CCDC91: variants seen among roughly 807,000 people sequenced by gnomAD.
CCDC91 encodes coiled-coil domain-containing protein 91.
CCDC91 carries 48 observed loss-of-function variants against 63.2 expected under a neutral mutation model. The ratio of observed to expected loss-of-function variants is 0.76; its 90% CI spans 0.60 to 0.97. The LOEUF is 0.97. CCDC91 is among the 50% of genes least tolerant of loss of function. The pLI is 0.00. For missense variants in CCDC91, 500 were observed against 494.6 expected, an observed-to-expected ratio of 1.01 and a Z score of -0.10; for synonymous variants, 167 against 165.8, an observed-to-expected ratio of 1.01 and a Z score of -0.06.
intron 12 of CCDC91, among the ~76,000 whole-genome samples, chr12:28,538,898 A>C (rs1245444932): frequency 6.6e-6 from 1 of 152,208 alleles, no homozygotes; most frequent in Non-Finnish European, 1.5e-5. Flanking sequence ...GGCTGCATAA[A>C]TGTCTTCTTT....
At chr12:28,297,152 A>G (rs1791735480) in intron 3 of CCDC91, among the ~76,000 whole-genome samples, 1 of 151,968 alleles carries the variant, frequency 6.6e-6, no homozygotes, top group Non-Finnish European at 1.5e-5. Flanking sequence ...GAATTATTTT[A>G]ATCATTAACA....
intron 7 of CCDC91, among the ~76,000 whole-genome samples, chr12:28,366,703 G>C (rs1944296917): frequency 6.6e-6 from 1 of 152,050 alleles, no homozygotes; most frequent in Non-Finnish European, 1.5e-5. Flanking sequence ...TTACTGTGTT[G>C]GGAAGGTATC....
chr12:28,455,773 C>G (rs186963328), intron 11 of CCDC91, among the ~76,000 whole-genome samples: 1 of 151,766 alleles, frequency 6.6e-6, no homozygotes, highest in Admixed American at 6.6e-5. Context: ...ACAACATTGA[C>G]TATCATTAAT....
chr12:28,306,296 C>T (rs1370355628), intron 4 of CCDC91, among the ~76,000 whole-genome samples: 3 of 151,978 alleles, frequency 2.0e-5, no homozygotes, highest in Non-Finnish European at 2.9e-5. Flanking sequence ...AAGTGCTGTA[C>T]ACAATTTTGA....
chr12:28,546,671 A>G (rs927770487), intron 12 of CCDC91, among the ~76,000 whole-genome samples: 45 of 152,234 alleles, frequency 3.0e-4, no homozygotes, highest in African/African-American at 9.4e-4. Context: ...CTGTGAATAT[A>G]ATGCTTTAGA....
Position 28,433,063 on chromosome 12 carries a change from G to A in CCDC91, c.763-17098G>A, listed in dbSNP as rs774945092. ...TTTTACCCATTTTTTTTTAAGTCAG[G>A]CCTTTTTTTGTTGTTGAGTTTTAAG... On this transcript the variant is annotated intron_variant, in intron 8 of 12. Coordinates refer to ENST00000536442, the MANE Select transcript of CCDC91 (RefSeq NM_018318.5). Among the ~76,000 whole-genome samples, 4 of 151,706 alleles carry A rather than the reference G, an allele frequency of 2.6e-5. No homozygotes were observed. The South Asian group carries it at 8.3e-4, about 32-fold the overall frequency.
At chr12:28,345,866 A>G (rs1236865052) in intron 6 of CCDC91, among the ~76,000 whole-genome samples, 1 of 152,176 alleles carries the variant, frequency 6.6e-6, no homozygotes, top group Non-Finnish European at 1.5e-5. Context: ...TGACTAGATC[A>G]GTATTCAGTC....
At chr12:28,269,933 G>A (rs965568665) in intron 3 of CCDC91, among the ~76,000 whole-genome samples, 1 of 151,542 alleles carries the variant, frequency 6.6e-6, no homozygotes. Flanking sequence ...TCTGATTTTT[G>A]TATTAATTTA....
At chr12:28,343,259 T>A (rs1451013687) in intron 6 of CCDC91, among the ~76,000 whole-genome samples, 1 of 151,658 alleles carries the variant, frequency 6.6e-6, no homozygotes, top group African/African-American at 2.4e-5. Context: ...CCCTATCAAT[T>A]TATCACATAT....
intron 11 of CCDC91, among the ~76,000 whole-genome samples, chr12:28,478,598 C>A (rs1180745075): frequency 6.6e-6 from 1 of 152,098 alleles, no homozygotes; most frequent in Non-Finnish European, 1.5e-5. Context: ...CAACAAAAGC[C>A]AAAATTGACA....
chr12:28,254,754 A>T (rs919795166), intron 1 of CCDC91, among the ~76,000 whole-genome samples: 1 of 151,276 alleles, frequency 6.6e-6, no homozygotes, highest in Non-Finnish European at 1.5e-5. Context: ...TTGAAAATAA[A>T]AGGAAGAGTA....
At chr12:28,414,059 C>G (rs955381640) in intron 8 of CCDC91, among the ~76,000 whole-genome samples, 82 of 152,286 alleles carry the variant, frequency 5.4e-4, no homozygotes, top group African/African-American at 1.9e-3. Flanking sequence ...TCTCCTCATT[C>G]AGGAACATTT....
chr12:28,216,476 C>T (rs1943566812), intron 1 of CCDC91, among the ~76,000 whole-genome samples: 1 of 151,622 alleles, frequency 6.6e-6, no homozygotes, highest in Admixed American at 6.6e-5. Context: ...AAAGTTGTGC[C>T]ATCTTTTTGG....
rs547390943 is a variant in CCDC91, at chr12:28,497,747, T to C, written c.1215+13582T>C. 2.6e-5 allele frequency among the ~76,000 whole-genome samples: 4 copies of C among 151,826 alleles called. No individual in the cohort carries two copies. In the South Asian group the frequency reaches 8.3e-4, roughly 31 times the overall value. On this transcript the variant is annotated intron_variant, in intron 12 of 12. Transcript: ENST00000536442. ...TTGTACTAGGAGCATATTAATCATA[T>C]CTTCTTTGCCATTTTACAAAAATTT... is the stretch of plus-strand genomic sequence containing the variant.
At chr12:28,234,691 A>G (rs950988321) in intron 1 of CCDC91, among the ~76,000 whole-genome samples, 1 of 152,146 alleles carries the variant, frequency 6.6e-6, no homozygotes, top group Non-Finnish European at 1.5e-5. Flanking sequence ...ATCATGACAC[A>G]TGAATTTGTT....
At chr12:28,442,301 A>G (rs946691008) in intron 8 of CCDC91, among the ~76,000 whole-genome samples, 2 of 152,124 alleles carry the variant, frequency 1.3e-5, no homozygotes, top group African/African-American at 2.4e-5. Context: ...AAAATTCGTG[A>G]CATATTTTAC....
At chr12:28,485,011 T>C (rs1951644393) in intron 12 of CCDC91, among the ~76,000 whole-genome samples, 1 of 151,776 alleles carries the variant, frequency 6.6e-6, no homozygotes, top group Non-Finnish European at 1.5e-5. Flanking sequence ...ATAAACAGTG[T>C]GTATGAGGAA....
At chr12:28,210,086 T>G (rs1943126277) in intron 1 of CCDC91, among the ~76,000 whole-genome samples, 1 of 152,188 alleles carries the variant, frequency 6.6e-6, no homozygotes, top group Non-Finnish European at 1.5e-5. Flanking sequence ...AGGACAATAA[T>G]TTACCATACA....
At chr12:28,436,405 C>T (rs1948910054) in intron 8 of CCDC91, among the ~76,000 whole-genome samples, 1 of 151,772 alleles carries the variant, frequency 6.6e-6, no homozygotes, top group Non-Finnish European at 1.5e-5. Flanking sequence ...TTCTTCCATT[C>T]TGTCCCTTGT....
Sources: gnomAD v4.1 joint callset for allele counts (sites outside exome capture counted in the v4.1 genomes callset) on GRCh38, gnomAD v4.1.1 for gene constraint, MANE v1.5 for transcripts, NCBI Gene and HGNC (gene_info 2026-07-23, HGNC 2026-07-21) for gene names.